Variants in TMEFF2 observed in about 807,000 individuals in gnomAD.
The protein encoded by TMEFF2 is tomoregulin-2.
Under a neutral mutation model 53.8 loss-of-function variants are expected in TMEFF2, and 28 were observed. The ratio of observed to expected loss-of-function variants is 0.52; its 90% CI spans 0.39 to 0.71. The LOEUF is 0.71. Among genes scored for constraint, TMEFF2 ranks in the 30% least tolerant of loss-of-function variants. TMEFF2 has a pLI of 0.00. For missense variants in TMEFF2, 353 were observed against 455.2 expected (o/e 0.78, Z 2.04); for synonymous variants, 162 against 166.3 (o/e 0.97, Z 0.20).
At chr2:192,057,057 A>C (rs1296926156) in intron 5 of TMEFF2, among the ~76,000 whole-genome samples, 1 of 152,112 alleles carries the variant, frequency 6.6e-6, no homozygotes, top group Non-Finnish European at 1.5e-5. Flanking sequence ...CCTTTTAAAA[A>C]TCTTGAGATA....
chr2:191,999,766 G>A (rs1001018536), intron 5 of TMEFF2, among the ~76,000 whole-genome samples: 2 of 151,584 alleles, frequency 1.3e-5, no homozygotes, highest in Admixed American at 6.6e-5. Flanking sequence ...ATTTTGGGGG[G>A]GCCACAAAAC....
chr2:192,124,212 A>T (rs879925320), intron 4 of TMEFF2, among the ~76,000 whole-genome samples: 1 of 152,238 alleles, frequency 6.6e-6, no homozygotes, highest in African/African-American at 2.4e-5. Context: ...ACATGCATGA[A>T]TGCAATCATT....
At chr2:191,955,748 C>T (rs192401456) in intron 8 of TMEFF2, among the ~76,000 whole-genome samples, 72 of 151,736 alleles carry the variant, frequency 4.7e-4, no homozygotes, top group Admixed American at 2.6e-4. Flanking sequence ...TCACTTTGCA[C>T]GGCTCCATGG....
At chr2:192,067,641 C>G (rs1010262689) in intron 4 of TMEFF2, among the ~76,000 whole-genome samples, 2 of 151,788 alleles carry the variant, frequency 1.3e-5, no homozygotes, top group African/African-American at 2.4e-5. Context: ...TTAACTTACA[C>G]TTCTGTATGT....
At chr2:192,179,799 T>C in intron 3 of TMEFF2, 105 bp from the exon 4 acceptor site, 2 of 968,018 alleles carry the variant, frequency 2.1e-6, no homozygotes, top group Non-Finnish European at 2.9e-6. Flanking sequence ...ATAATATTGT[T>C]TGAGAAAAAT....
intron 4 of TMEFF2, among the ~76,000 whole-genome samples, chr2:192,092,895 A>G (rs767303488): frequency 6.6e-6 from 1 of 152,150 alleles, no homozygotes; most frequent in African/African-American, 2.4e-5. Context: ...CCCTTCCCAC[A>G]CGTTAATACT....
intron 7 of TMEFF2, among the ~76,000 whole-genome samples, chr2:191,984,106 GTTCTTTTTTTCTTTTATTT>G (rs1007600480): frequency 2.5e-4 from 38 of 152,166 alleles, no homozygotes; most frequent in African/African-American, 8.7e-4. Context: ...AACTTCGTAA[GTTCTTTTTTTCTTTTATTT>G]TTCTTTTTAA....
chr2:192,033,830 T>C (rs1283726044), intron 5 of TMEFF2, among the ~76,000 whole-genome samples: 1 of 152,194 alleles, frequency 6.6e-6, no homozygotes, highest in Non-Finnish European at 1.5e-5. Context: ...GTGAGAATTC[T>C]CTAGTTAGTT....
intron 4 of TMEFF2, among the ~76,000 whole-genome samples, chr2:192,151,109 T>A (rs1384128118): frequency 6.6e-6 from 1 of 151,830 alleles, no homozygotes; most frequent in East Asian, 1.9e-4. Flanking sequence ...TTTTCCTCAA[T>A]CTTGCTCACT....
intron 4 of TMEFF2, among the ~76,000 whole-genome samples, chr2:192,111,825 C>A (rs373395357): frequency 5.9e-5 from 9 of 152,278 alleles, no homozygotes; most frequent in African/African-American, 2.2e-4. Context: ...TGTGTCCCAG[C>A]AACTCTAGCC....
intron 9 of TMEFF2, 26 bp downstream of exon 9, chr2:191,953,653 G>T (rs766552473): frequency 1.2e-6 from 2 of 1,609,536 alleles, no homozygotes; most frequent in Non-Finnish European, 1.7e-6. Context: ...CCTTTATTTG[G>T]GTAGCCACCA....
At chr2:192,186,582 C>T (rs1442607359) in intron 2 of TMEFF2, among the ~76,000 whole-genome samples, 2 of 152,096 alleles carry the variant, frequency 1.3e-5, no homozygotes, top group Admixed American at 1.3e-4. Context: ...ACATAATGAT[C>T]GATAGACTTG....
intron 4 of TMEFF2, among the ~76,000 whole-genome samples, chr2:192,131,601 C>T (rs554445045): frequency 6.6e-6 from 1 of 152,080 alleles, no homozygotes; most frequent in Non-Finnish European, 1.5e-5. Flanking sequence ...TTTCCGTGCC[C>T]CAACACTTTC....
In TMEFF2 at chr2:191,950,054, A is replaced by G. The variant is rs960388721; in HGVS notation, c.*257T>C. 8.4e-7 allele frequency: 1 copy of G among 1,190,580 alleles called. No individual in the cohort carries two copies. Among genetic ancestry groups the G allele is most frequent in the African/African-American group, 1.6e-5 (1 of 63,946 alleles). 73.8% of individuals were successfully genotyped at this position (1,190,580 alleles called of 1,614,324 possible). ...ACTGAGTATTTATTATATATAACAA[A>G]TACATGGGAAAGAAAAAACTATATT... On this transcript the variant is annotated 3_prime_UTR_variant, in exon 10 of 10. Coordinates refer to ENST00000272771, the MANE Select transcript of TMEFF2 (RefSeq NM_016192.4).
chr2:192,038,050 G>C (rs1312373648), intron 5 of TMEFF2: 20 of 152,180 alleles, frequency 1.3e-4, no homozygotes, highest in Admixed American at 8.5e-4. Context: ...GATTAAATAA[G>C]ATGGTGCACA....
At chr2:192,088,742 G>T (rs1688721183) in intron 4 of TMEFF2, among the ~76,000 whole-genome samples, 1 of 151,836 alleles carries the variant, frequency 6.6e-6, no homozygotes. Flanking sequence ...CCTAAAATTG[G>T]TTTCTTTTCT....
At chr2:192,116,927 T>G (rs2105961589) in intron 4 of TMEFF2, among the ~76,000 whole-genome samples, 1 of 135,936 alleles carries the variant, frequency 7.4e-6, no homozygotes, top group South Asian at 2.5e-4. Context: ...GGCTCAATAG[T>G]CATTCAGAAC....
chr2:192,189,555 C>CAAAAAAAAA (rs58455898), intron 2 of TMEFF2, among the ~76,000 whole-genome samples: 5,458 of 41,150 alleles, frequency 0.13, 551 homozygotes, highest in Middle Eastern at 0.21. Context: ...CCAAAAATTC[C>CAAAAAAAAA]AAAAAAAAAA....
chr2:192,074,172 C>T (rs1177917781), intron 4 of TMEFF2, among the ~76,000 whole-genome samples: 1 of 151,990 alleles, frequency 6.6e-6, no homozygotes, highest in Admixed American at 6.6e-5. Context: ...TAATATGTCA[C>T]TTGGTGTGGT....
Sources: gnomAD v4.1 joint callset for allele counts (sites outside exome capture counted in the v4.1 genomes callset) on GRCh38, gnomAD v4.1.1 for gene constraint, MANE v1.5 for transcripts, NCBI Gene and HGNC (gene_info 2026-07-23, HGNC 2026-07-21) for gene names.